The following ARHGAP39 variants were observed in gnomAD, a reference collection of about 807,000 sequenced individuals.
The protein encoded by ARHGAP39 is Rho GTPase activating protein 39, also known as rho GTPase-activating protein 39.
Under a neutral mutation model 106.9 loss-of-function variants are expected in ARHGAP39, and 44 were observed. That is an observed-to-expected ratio of 0.41 (90% CI 0.32 to 0.53). The LOEUF (loss-of-function observed/expected upper bound fraction) is 0.53. Ranked by LOEUF, ARHGAP39 falls within the 20% of genes least tolerant of loss-of-function variation. The pLI, the probability that ARHGAP39 is intolerant of heterozygous loss-of-function variation, is 0.21. For missense variants in ARHGAP39, 1,496 were observed against 1,577.3 expected, an observed-to-expected ratio of 0.95 and a Z score of 0.87; for synonymous variants, 768 against 693.2, an observed-to-expected ratio of 1.11 and a Z score of -1.69.
intron 1 of ARHGAP39, among the ~76,000 whole-genome samples, chr8:144,662,720 C>T (rs1821863211): frequency 6.6e-6 from 1 of 150,908 alleles, no homozygotes. Context: ...GGGCCATTAC[C>T]CGCCTCCCCA....
Position 144,580,985 on chromosome 8 carries a change from C to T in ARHGAP39, c.373G>A (p.Gly125Arg). The change falls in exon 3 of 12, where the codon GGG (glycine) becomes AGG (arginine). Residue 125 changes from glycine to arginine, a missense_variant. Physicochemically the swap from Gly to Arg is moderately radical, Grantham distance 125 (BLOSUM62 -2). Around this residue, in one of 4 missense-constraint regions of ARHGAP39, gnomAD observed 905 missense variants for 816.4 expected, o/e 1.11. Coordinates refer to ENST00000377307, the MANE Select transcript of ARHGAP39 (RefSeq NM_025251.3). The part of the protein sequence containing the change: ...SPRASAESSP[G>R]RGSSVSREGS... ...TCACGGCTGACGCTGCTGCCGCGCC[C>T]GGGGCTGCTCTCCGCCGAGGCGCGC... is the stretch of plus-strand genomic sequence containing the variant. The T allele has an allele frequency of 1.9e-6, 3 of 1,597,730 alleles. No homozygotes were observed. The highest frequency in any genetic ancestry group is 1.7e-6 in the Non-Finnish European group (2 of 1,173,170).
intron 4 of ARHGAP39, among the ~76,000 whole-genome samples, chr8:144,552,627 C>T (rs764092000): frequency 6.6e-6 from 1 of 152,290 alleles, no homozygotes; most frequent in Non-Finnish European, 1.5e-5. Context: ...CCCTGCTGTT[C>T]TAGGTGTGGT....
chr8:144,594,516 G>A (rs1819523900), intron 2 of ARHGAP39, among the ~76,000 whole-genome samples: 1 of 151,970 alleles, frequency 6.6e-6, no homozygotes, highest in South Asian at 2.1e-4. Context: ...CCAACATGGT[G>A]AAACCCCGTC....
rs185303606 is a variant in ARHGAP39, at chr8:144,542,371, C to T, written c.2521+2878G>A. 4.2e-4 allele frequency among the ~76,000 whole-genome samples: 64 copies of T among 152,234 alleles called. 1 individual carries two copies. The highest frequency in any genetic ancestry group is 1.4e-3 in the African/African-American group (57 of 41,486). ...GGTGGTGACCACACAGTGCAGGTCA[C>T]GCAGGTGCTGGCCGATGAGTCAAAG... On this transcript the variant is annotated intron_variant, in intron 6 of 11. Transcript: ENST00000377307.
chr8:144,549,097 C>T (rs1484835343), intron 4 of ARHGAP39, among the ~76,000 whole-genome samples: 2 of 152,378 alleles, frequency 1.3e-5, no homozygotes, highest in Non-Finnish European at 2.9e-5. Flanking sequence ...ACGCTGTCTG[C>T]GTCCTCACCA....
chr8:144,610,885 T>C (rs1469170988), intron 1 of ARHGAP39, among the ~76,000 whole-genome samples: 1 of 152,054 alleles, frequency 6.6e-6, no homozygotes, highest in South Asian at 2.1e-4. Context: ...GGTGGGATCT[T>C]GGCTTGCTGC....
intron 4 of ARHGAP39, among the ~76,000 whole-genome samples, chr8:144,553,931 G>C (rs1262827153): frequency 6.6e-6 from 1 of 152,264 alleles, no homozygotes; most frequent in East Asian, 1.9e-4. Context: ...AGCTCGATGT[G>C]GGCTGTCGCC....
chr8:144,624,404 T>C (rs1033697653), intron 1 of ARHGAP39, among the ~76,000 whole-genome samples: 1 of 152,212 alleles, frequency 6.6e-6, no homozygotes, highest in Admixed American at 6.5e-5. Context: ...GGCCTGAGAA[T>C]GAACTAGAAC....
At position 144,578,526 on chromosome 8, in the gene ARHGAP39, C is replaced by T. The variant is rs753418655; in HGVS notation, c.512+2320G>A. ...TACAGGCGTGTGCCACTTTTCTTGG[C>T]CAAAATTAAAAACTTTGTACTTTGG... On this transcript the variant is annotated intron_variant, in intron 3 of 11. Transcript: ENST00000377307. Among the ~76,000 whole-genome samples, 42 of 152,158 alleles carry T rather than the reference C, an allele frequency of 2.8e-4. 2 individuals carry two copies. Among genetic ancestry groups the T allele is most frequent in the Admixed American group, 2.1e-3 (32 of 15,276 alleles).
chr8:144,660,562 C>T (rs537886064), intron 1 of ARHGAP39, among the ~76,000 whole-genome samples: 14 of 152,278 alleles, frequency 9.2e-5, no homozygotes, highest in African/African-American at 2.6e-4. Flanking sequence ...GCCATGATTC[C>T]GTGCTCAGCA....
intron 1 of ARHGAP39, among the ~76,000 whole-genome samples, chr8:144,676,665 G>A (rs535702636): frequency 3.9e-5 from 6 of 152,346 alleles, no homozygotes; most frequent in South Asian, 4.1e-4. Context: ...CACCTAGCCC[G>A]GGCACTCCGG....
intron 1 of ARHGAP39, among the ~76,000 whole-genome samples, chr8:144,608,458 C>G (rs1820376262): frequency 6.6e-6 from 1 of 152,210 alleles, no homozygotes; most frequent in Admixed American, 6.5e-5. Context: ...GGCGTCACCT[C>G]TCAGGAAGCT....
chr8:144,593,027 GAAAT>G (rs1325711536), intron 2 of ARHGAP39, among the ~76,000 whole-genome samples: 5 of 152,212 alleles, frequency 3.3e-5, no homozygotes, highest in African/African-American at 1.2e-4. Context: ...AGTGGGAAGA[GAAAT>G]AAGCCATTTG....
At chr8:144,626,976 G>A (rs1820934298) in intron 1 of ARHGAP39, among the ~76,000 whole-genome samples, 1 of 152,226 alleles carries the variant, frequency 6.6e-6, no homozygotes, top group Admixed American at 6.5e-5. Flanking sequence ...CAGCTGTCGG[G>A]GCCATGTTTG....
intron 1 of ARHGAP39, among the ~76,000 whole-genome samples, chr8:144,672,311 G>A (rs1269963783): frequency 6.6e-6 from 1 of 152,172 alleles, no homozygotes; most frequent in Non-Finnish European, 1.5e-5. Flanking sequence ...TGTGATCCCA[G>A]GGAATGCTTG....
chr8:144,604,518 TAGGCATCTGCCACCA>T lies in ARHGAP39; in HGVS notation c.80+1002_80+1016del, dbSNP rs575376790. ...TCAGCCTCCCGAGTAGCTGAGACCA[TAGGCATCTGCCACCA>T]CATCTGGCTAATTTTTGTATTTTTT... On this transcript the variant is annotated intron_variant, in intron 2 of 11. Coordinates refer to ENST00000377307, the MANE Select transcript of ARHGAP39 (RefSeq NM_025251.3). The surrounding 1 kb of genome is among the most constrained non-coding windows in gnomAD (Gnocchi z 4.1). Among the ~76,000 whole-genome samples the T allele has an allele frequency of 1.9e-3, 287 of 152,214 alleles. 1 individual carries two copies. The highest frequency in any genetic ancestry group is 6.6e-3 in the African/African-American group (273 of 41,534).
chr8:144,686,598 G>C (rs997570985), upstream of ARHGAP39, among the ~76,000 whole-genome samples: 3 of 152,148 alleles, frequency 2.0e-5, no homozygotes, highest in Non-Finnish European at 4.4e-5. Context: ...AAAGTCATCC[G>C]TGGAGCTCCA....
chr8:144,535,240 C>T (rs1284000827), intron 7 of ARHGAP39, among the ~76,000 whole-genome samples: 1 of 152,216 alleles, frequency 6.6e-6, no homozygotes, highest in Non-Finnish European at 1.5e-5. Flanking sequence ...AAAGTGCACA[C>T]GTGTCTTGAG....
At chr8:144,673,587 A>G (rs961717052) in intron 1 of ARHGAP39, among the ~76,000 whole-genome samples, 1 of 152,198 alleles carries the variant, frequency 6.6e-6, no homozygotes, top group African/African-American at 2.4e-5. Flanking sequence ...CTATCTCTAC[A>G]GATTCACTTC....
Sources: gnomAD v4.1 joint callset for allele counts (sites outside exome capture counted in the v4.1 genomes callset) on GRCh38, gnomAD v4.1.1 for gene constraint, gnomAD v4.1.1 regional missense constraint, Gnocchi (gnomAD v3.1) non-coding constraint, MANE v1.5 for transcripts, NCBI Gene and HGNC (gene_info 2026-07-23, HGNC 2026-07-21) for gene names.